The following UBE2U variants were observed in gnomAD, a reference collection of about 807,000 sequenced individuals.
The protein encoded by UBE2U is ubiquitin conjugating enzyme E2 U, also known as ubiquitin-conjugating enzyme E2 U.
In UBE2U, 39 loss-of-function variants were observed where a neutral mutation model predicts 41.2. The ratio of observed to expected loss-of-function variants is 0.95; its 90% confidence interval spans 0.73 to 1.24. UBE2U has a LOEUF of 1.24. Among genes scored for constraint, UBE2U ranks in the 50% most tolerant of loss-of-function variants. UBE2U has a pLI of 0.00. For synonymous variants in UBE2U, 107 were observed against 117.8 expected, an observed-to-expected ratio of 0.91 and a Z score of 0.60; for missense variants, 336 against 363.1, an observed-to-expected ratio of 0.93 and a Z score of 0.61.
intron 8 of UBE2U, among the ~76,000 whole-genome samples, chr1:64,248,131 C>T (rs1644950964): frequency 6.6e-6 from 1 of 151,778 alleles, no homozygotes; most frequent in Non-Finnish European, 1.5e-5. Flanking sequence ...GATTTTTTTT[C>T]CTAGGAGAAC....
chr1:64,232,476 T>C, intron 6 of UBE2U, 85 bp from the exon 7 acceptor site: 1 of 864,600 alleles, frequency 1.2e-6, no homozygotes. Flanking sequence ...CAAGATATTA[T>C]GTGAACAGTC....
chr1:64,248,720 A>C (rs1244035778), intron 8 of UBE2U, among the ~76,000 whole-genome samples: 1 of 152,176 alleles, frequency 6.6e-6, no homozygotes, highest in Non-Finnish European at 1.5e-5. Flanking sequence ...CTGCTTATAC[A>C]ATTTTTTGAA....
chr1:64,218,690 C>A (rs1652198514), intron 5 of UBE2U, among the ~76,000 whole-genome samples: 1 of 152,052 alleles, frequency 6.6e-6, no homozygotes, highest in Non-Finnish European at 1.5e-5. Flanking sequence ...CTATTGCTAC[C>A]CACATTTCCT....
chr1:64,243,205 C>T (rs1644864890), intron 8 of UBE2U, among the ~76,000 whole-genome samples: 1 of 152,110 alleles, frequency 6.6e-6, no homozygotes, highest in Non-Finnish European at 1.5e-5. Flanking sequence ...ATATTTAGAT[C>T]AAGTGATATT....
intron 8 of UBE2U, among the ~76,000 whole-genome samples, chr1:64,255,767 C>T (rs943939347): frequency 3.3e-5 from 5 of 152,018 alleles, no homozygotes; most frequent in African/African-American, 1.2e-4. Flanking sequence ...CTGGCCAGGG[C>T]AATTAGGCAA....
intron 9 of UBE2U, among the ~76,000 whole-genome samples, chr1:64,263,573 G>C (rs895715579): frequency 6.6e-6 from 1 of 152,164 alleles, no homozygotes; most frequent in Non-Finnish European, 1.5e-5. Flanking sequence ...CTAAGATTTT[G>C]TGGTTGTTTA....
At chr1:64,236,169 G>T (rs918385661) in intron 7 of UBE2U, among the ~76,000 whole-genome samples, 2 of 152,072 alleles carry the variant, frequency 1.3e-5, no homozygotes, top group African/African-American at 4.8e-5. Context: ...ATACTTTATA[G>T]GGTTGAAGCA....
intron 9 of UBE2U, among the ~76,000 whole-genome samples, chr1:64,263,427 T>C (rs1645209398): frequency 6.6e-6 from 1 of 152,164 alleles, no homozygotes; most frequent in South Asian, 2.1e-4. Context: ...ACTGGCCCTC[T>C]GATCACAGAG....
chr1:64,236,553 G>A (rs1644671710), intron 7 of UBE2U, among the ~76,000 whole-genome samples: 1 of 152,174 alleles, frequency 6.6e-6, no homozygotes, highest in Non-Finnish European at 1.5e-5. Flanking sequence ...ATATATGGTT[G>A]TGGGCAACAG....
chr1:64,228,682 CTCTCT>C (rs1166894537), intron 6 of UBE2U, among the ~76,000 whole-genome samples: 9 of 125,774 alleles, frequency 7.2e-5, no homozygotes, highest in Admixed American at 1.8e-4. Flanking sequence ...TTCTCTCTCT[CTCTCT>C]TTTTTTTTTT....
chr1:64,235,814 A>G (rs538510754), intron 7 of UBE2U, among the ~76,000 whole-genome samples: 57 of 152,270 alleles, frequency 3.7e-4, no homozygotes, highest in African/African-American at 1.2e-3. Flanking sequence ...ATATATTTTT[A>G]GCCATCTCAA....
intron 9 of UBE2U, among the ~76,000 whole-genome samples, chr1:64,261,232 G>A (rs1645176433): frequency 6.6e-6 from 1 of 152,066 alleles, no homozygotes. Context: ...AGAGAACTTA[G>A]GTTCAGATTC....
At chr1:64,264,559 A>G (rs896315245) in intron 9 of UBE2U, among the ~76,000 whole-genome samples, 1 of 152,218 alleles carries the variant, frequency 6.6e-6, no homozygotes, top group African/African-American at 2.4e-5. Context: ...GCAGGAACTA[A>G]GAAGGCAAAT....
In UBE2U at chr1:64,231,279, G is replaced by A. The variant is rs187325971; in HGVS notation, c.507-1282G>A. 1.0e-3 allele frequency among the ~76,000 whole-genome samples: 154 copies of A among 152,158 alleles called. 1 individual carries two copies. The highest frequency in any genetic ancestry group is 3.6e-3 in the African/African-American group (148 of 41,518). On this transcript the variant is annotated intron_variant, in intron 6 of 9. Coordinates refer to ENST00000371077, the MANE Select transcript of UBE2U (RefSeq NM_001366232.2). ...CTGAAGATGGTGTATTTTTTTTCAC[G>A]AGACAGTGTGTTGACAGTTTCCTTC... is the stretch of plus-strand genomic sequence containing the variant.
intron 6 of UBE2U, among the ~76,000 whole-genome samples, chr1:64,228,963 C>G (rs1048684605): frequency 5.3e-5 from 8 of 150,002 alleles, no homozygotes; most frequent in Non-Finnish European, 1.2e-4. Flanking sequence ...CTGGTTCAAG[C>G]AATTTTCCTG....
chr1:64,209,157 A>G (rs1651503215), intron 3 of UBE2U, among the ~76,000 whole-genome samples: 1 of 152,218 alleles, frequency 6.6e-6, no homozygotes, highest in African/African-American at 2.4e-5. Context: ...AAAATTAATT[A>G]CATACGTGTG....
At chr1:64,255,804 AG>A (rs1462704593) in intron 8 of UBE2U, among the ~76,000 whole-genome samples, 1 of 152,192 alleles carries the variant, frequency 6.6e-6, no homozygotes, top group African/African-American at 2.4e-5. Context: ...GTATTCAAAT[AG>A]GAAGAGAGGG....
chr1:64,228,364 T>C (rs1303826345), intron 6 of UBE2U, among the ~76,000 whole-genome samples: 1 of 152,166 alleles, frequency 6.6e-6, no homozygotes, highest in Non-Finnish European at 1.5e-5. Context: ...GCAACCACAA[T>C]GTCCACTGTG....
chr1:64,229,485 T>C (rs1329172117), intron 6 of UBE2U, among the ~76,000 whole-genome samples: 1 of 152,180 alleles, frequency 6.6e-6, no homozygotes, highest in Non-Finnish European at 1.5e-5. Context: ...CTCCTGATTT[T>C]ATAGATGGGG....
Sources: gnomAD v4.1 joint callset for allele counts (sites outside exome capture counted in the v4.1 genomes callset) on GRCh38, gnomAD v4.1.1 for gene constraint, MANE v1.5 for transcripts, NCBI Gene and HGNC (gene_info 2026-07-23, HGNC 2026-07-21) for gene names.